Variants in EPHX2 observed in about 807,000 individuals in gnomAD.
The protein encoded by EPHX2 is epoxide hydrolase 2.
In EPHX2, 74 loss-of-function variants were observed where a neutral mutation model predicts 78.7. That is an observed-to-expected ratio of 0.94 (90% confidence interval 0.78 to 1.14). The LOEUF (loss-of-function observed/expected upper bound fraction) is 1.14, where lower values mean the gene tolerates loss of function less well. Ranked by LOEUF, EPHX2 falls within the 50% of genes most tolerant of loss-of-function variation. The pLI is 0.00. For synonymous variants in EPHX2, 251 were observed against 255.2 expected (o/e 0.98, Z 0.16); for missense variants, 715 against 702.5 (o/e 1.02, Z -0.20).
chr8:27,525,068 CTGTGTGTGTGTGTGTGTGTGTG>C, intron 11 of EPHX2, among the ~76,000 whole-genome samples: 1 of 131,214 alleles, frequency 7.6e-6, no homozygotes, highest in African/African-American at 2.9e-5. Flanking sequence ...AGTATGTGTA[CTGTGTGTGTGTGTGTGTGTGTG>C]TGTGTGTGTG....
At chr8:27,507,447 A>G (rs62504279) in intron 5 of EPHX2, among the ~76,000 whole-genome samples, 19,193 of 152,130 alleles carry the variant, frequency 0.13, 1,397 homozygotes, top group African/African-American at 0.21. Context: ...TGGGACAGCC[A>G]TCATGATGTC....
intron 10 of EPHX2, 112 bp from the exon 11 acceptor site, chr8:27,522,311 G>A: frequency 2.2e-6 from 2 of 909,900 alleles, no homozygotes; most frequent in Non-Finnish European, 3.4e-6. Context: ...GAGAGCTGCT[G>A]TGGGTCGGGG....
At chr8:27,521,171 A>G (rs1814634117) in intron 10 of EPHX2, among the ~76,000 whole-genome samples, 1 of 152,236 alleles carries the variant, frequency 6.6e-6, no homozygotes, top group Non-Finnish European at 1.5e-5. Flanking sequence ...CAGGGAGGAC[A>G]GCCTTGAGTA....
At chr8:27,501,235 A>G (rs1813756490) in intron 2 of EPHX2, among the ~76,000 whole-genome samples, 1 of 152,214 alleles carries the variant, frequency 6.6e-6, no homozygotes, top group African/African-American at 2.4e-5. Context: ...ATTGGGAAGA[A>G]CATTATTGAA....
chr8:27,516,535 C>A, intron 8 of EPHX2, 137 bp downstream of exon 8: 1 of 778,340 alleles, frequency 1.3e-6, no homozygotes, highest in Non-Finnish European at 2.1e-6. Context: ...CCTCTTTCCT[C>A]TCCTACGGTG....
At chr8:27,546,273 C>T (rs774812306), downstream of EPHX2, among the ~76,000 whole-genome samples, 1 of 152,052 alleles carries the variant, frequency 6.6e-6, no homozygotes, top group Non-Finnish European at 1.5e-5. Context: ...AAAAAGGGGA[C>T]GTTAGTAGGA....
chr8:27,502,238 G>GT (rs1813827042), intron 2 of EPHX2, among the ~76,000 whole-genome samples: 1 of 152,220 alleles, frequency 6.6e-6, no homozygotes, highest in Admixed American at 6.5e-5. Flanking sequence ...TTGTATGAGT[G>GT]AGACTCATCG....
intron 10 of EPHX2, among the ~76,000 whole-genome samples, chr8:27,521,777 ACT>A (rs1373623952): frequency 2.0e-5 from 3 of 151,816 alleles, no homozygotes; most frequent in Non-Finnish European, 4.4e-5. Context: ...TGAGAGAGTG[ACT>A]CTGCGGTTGC....
At chr8:27,548,149 C>T (rs1221178737), downstream of EPHX2, among the ~76,000 whole-genome samples, 1 of 152,132 alleles carries the variant, frequency 6.6e-6, no homozygotes, top group South Asian at 2.1e-4. Context: ...CCAGGAGACC[C>T]GTCTTCTAAA....
intron 5 of EPHX2, among the ~76,000 whole-genome samples, chr8:27,509,399 G>A (rs115506783): frequency 0.02 from 3,014 of 152,016 alleles, 95 homozygotes; most frequent in African/African-American, 0.07. Flanking sequence ...ACCTACGAGT[G>A]GAATTACTGG....
At chr8:27,531,873 G>T (rs1815055532) in intron 12 of EPHX2, among the ~76,000 whole-genome samples, 3 of 152,150 alleles carry the variant, frequency 2.0e-5, no homozygotes, top group Admixed American at 2.0e-4. Context: ...CTGAGCACAG[G>T]AGGCAATCCT....
intron 14 of EPHX2, 34 bp downstream of exon 14, chr8:27,538,726 A>G (rs1815291741): frequency 6.2e-7 from 1 of 1,607,788 alleles, no homozygotes; most frequent in Non-Finnish European, 8.5e-7. Context: ...CATATCTGGA[A>G]CCAGCTGAAT....
rs1353360324 is a variant in EPHX2, at chr8:27,497,176, G to C, written c.102-3750G>C. On this transcript the variant is annotated intron_variant, in intron 1 of 18. Coordinates refer to ENST00000521400, the MANE Select transcript of EPHX2 (RefSeq NM_001979.6). Reference sequence around the variant, plus strand: ...CCCTCAATGGTTAAACTTACCTGGGGCTCAGTCAGGGTGATGACATGAGCT... The same window carrying C: ...CCCTCAATGGTTAAACTTACCTGGGCCTCAGTCAGGGTGATGACATGAGCT... 2.0e-5 allele frequency among the ~76,000 whole-genome samples: 3 copies of C among 152,152 alleles called. No homozygotes were observed. In the East Asian group the frequency reaches 5.8e-4, roughly 29 times the overall value.
intron 2 of EPHX2, among the ~76,000 whole-genome samples, chr8:27,501,688 C>T (rs1026380837): frequency 5.3e-5 from 8 of 152,032 alleles, no homozygotes; most frequent in Non-Finnish European, 1.0e-4. Context: ...GCTAGGATTA[C>T]AGGTATGAGC....
At chr8:27,533,736 C>T (rs1815120815) in intron 12 of EPHX2, among the ~76,000 whole-genome samples, 2 of 152,048 alleles carry the variant, frequency 1.3e-5, no homozygotes, top group Non-Finnish European at 2.9e-5. Flanking sequence ...CACAGGCATG[C>T]ACCACCATGC....
chr8:27,547,529 G>T (rs1277472041), downstream of EPHX2, among the ~76,000 whole-genome samples: 1 of 152,204 alleles, frequency 6.6e-6, no homozygotes. Context: ...AATTACACAT[G>T]TCATCTCAAA....
rs1197455895 is a variant in EPHX2 at position 27,503,728 on chromosome 8, C to G, written c.311C>G (p.Pro104Arg). Residue 104 changes from proline to arginine, a missense_variant, in exon 3 of 19, where the codon CCC (proline) becomes CGC (arginine). Physicochemically the swap from Pro to Arg is moderately radical, Grantham distance 103. Coordinates refer to ENST00000521400, the MANE Select transcript of EPHX2 (RefSeq NM_001979.6). ...KAISARKINR[P>R]MLQAALMLRK... is the part of the protein sequence containing the mutation. ...ATTTCAGCCAGAAAGATCAACCGCC[C>G]CATGCTCCAGGCAGCTCTCATGCTC... 1.2e-6 allele frequency: 2 copies of G among 1,613,356 alleles called. No individual in the cohort carries two copies. Among genetic ancestry groups the G allele is most frequent in the South Asian group, 1.1e-5 (1 of 91,064 alleles).
intron 5 of EPHX2, among the ~76,000 whole-genome samples, chr8:27,508,849 C>G (rs1814121266): frequency 6.6e-6 from 1 of 151,840 alleles, no homozygotes; most frequent in African/African-American, 2.4e-5. Flanking sequence ...CCACTCACCT[C>G]CAGAACTTTT....
chr8:27,535,207 G>T (rs1189150267), intron 12 of EPHX2, among the ~76,000 whole-genome samples: 1 of 151,914 alleles, frequency 6.6e-6, no homozygotes, highest in Non-Finnish European at 1.5e-5. Flanking sequence ...ACAGAGTTTC[G>T]CTCTTTTTGC....
Sources: gnomAD v4.1 joint callset for allele counts (sites outside exome capture counted in the v4.1 genomes callset) on GRCh38, gnomAD v4.1.1 for gene constraint, MANE v1.5 for transcripts, NCBI Gene and HGNC (gene_info 2026-07-23, HGNC 2026-07-21) for gene names.